The following ST3GAL3 variants were observed in gnomAD, a reference collection of about 807,000 sequenced individuals.
The protein encoded by ST3GAL3 is CMP-N-acetylneuraminate-beta-1,4-galactoside alpha-2,3-sialyltransferase.
In ST3GAL3, 21 loss-of-function variants were observed where a neutral mutation model predicts 50.1. The ratio of observed to expected loss-of-function variants is 0.42; its 90% CI spans 0.30 to 0.60. The LOEUF (loss-of-function observed/expected upper bound fraction) is 0.60. Ranked by LOEUF, ST3GAL3 falls within the 20% of genes least tolerant of loss-of-function variation. The pLI is 0.19. For synonymous variants in ST3GAL3, 183 were observed against 190.0 expected (o/e 0.96, Z 0.30); for missense variants, 353 against 489.4 (o/e 0.72, Z 2.63).
intron 5 of ST3GAL3, among the ~76,000 whole-genome samples, chr1:43,882,975 A>AT (rs112677903): frequency 0.27 from 5,918 of 21,650 alleles, 396 homozygotes; most frequent in African/African-American, 0.33. Context: ...TTATTTATTT[A>AT]TTTAGAGACA....
intron 2 of ST3GAL3, among the ~76,000 whole-genome samples, chr1:43,790,633 C>T (rs1447183857): frequency 1.6e-5 from 2 of 125,724 alleles, no homozygotes; most frequent in African/African-American, 3.1e-5. Context: ...ATGGCGTCTC[C>T]TTTTTTTTTT....
intron 5 of ST3GAL3, among the ~76,000 whole-genome samples, chr1:43,863,997 G>A (rs1436453684): frequency 6.6e-6 from 1 of 152,180 alleles, no homozygotes; most frequent in Non-Finnish European, 1.5e-5. Context: ...CTTGAGTGGG[G>A]GCCGGGCGTG....
chr1:43,758,261 AT>A (rs1688880534), intron 2 of ST3GAL3, among the ~76,000 whole-genome samples: 1 of 151,146 alleles, frequency 6.6e-6, no homozygotes, highest in African/African-American at 2.4e-5. Flanking sequence ...TTTAAAAACA[AT>A]TTTTTTAAGA....
chr1:43,709,678 CA>C (rs936383457), intron 1 of ST3GAL3: 16 of 146,182 alleles, frequency 1.1e-4, no homozygotes, highest in Admixed American at 1.4e-4. Flanking sequence ...CCGTCTCTAC[CA>C]AAAAAAAAAT....
rs1439489205 is a variant in ST3GAL3 at position 43,920,936 on chromosome 1, G to A, written c.1038+8G>A. On this transcript the variant is annotated splice_region_variant and intron_variant, in intron 11 of 11. Coordinates refer to ENST00000347631, the MANE Select transcript of ST3GAL3 (RefSeq NM_006279.5). ...ATGGCAGCCATCAAAGAGGTTCGGG[G>A]CTGGGTATGGGGGCAATCCCTGGGT... 1 of 1,605,584 alleles carries A rather than the reference G, an allele frequency of 6.2e-7. No homozygotes were observed. The highest frequency in any genetic ancestry group is 1.7e-5 in the Admixed American group (1 of 58,494).
intron 5 of ST3GAL3, among the ~76,000 whole-genome samples, chr1:43,892,151 C>G (rs2076774199): frequency 6.6e-6 from 1 of 152,222 alleles, no homozygotes; most frequent in Non-Finnish European, 1.5e-5. Flanking sequence ...CCATGTTAGC[C>G]AGGCTGGTCT....
At chr1:43,883,419 G>A (rs2075478864) in intron 5 of ST3GAL3, among the ~76,000 whole-genome samples, 1 of 152,352 alleles carries the variant, frequency 6.6e-6, no homozygotes, top group Admixed American at 6.5e-5. Context: ...GGGAAGAGAT[G>A]TGGATATCCA....
chr1:43,893,884 C>A (rs1301915634), intron 5 of ST3GAL3, among the ~76,000 whole-genome samples: 1 of 152,190 alleles, frequency 6.6e-6, no homozygotes, highest in African/African-American at 2.4e-5. Context: ...TTTTAACCTG[C>A]TTTGCCCTCT....
chr1:43,747,510 AC>A (rs915510810), intron 2 of ST3GAL3, among the ~76,000 whole-genome samples: 5 of 145,456 alleles, frequency 3.4e-5, no homozygotes, highest in African/African-American at 1.3e-4. Context: ...ACTCTCCCGC[AC>A]CTCCACGTGT....
intron 2 of ST3GAL3, among the ~76,000 whole-genome samples, chr1:43,760,969 C>G (rs1241345775): frequency 6.6e-6 from 1 of 152,186 alleles, no homozygotes; most frequent in Non-Finnish European, 1.5e-5. Flanking sequence ...AAGCAGGCCA[C>G]AAAGGCCACA....
chr1:43,783,775 G>C (rs1358368682), intron 2 of ST3GAL3, among the ~76,000 whole-genome samples: 1 of 152,136 alleles, frequency 6.6e-6, no homozygotes, highest in African/African-American at 2.4e-5. Context: ...GCAGCTGGTA[G>C]AATTCCAGCT....
chr1:43,732,391 A>G (rs1250136669), intron 1 of ST3GAL3, among the ~76,000 whole-genome samples: 1 of 152,186 alleles, frequency 6.6e-6, no homozygotes, highest in Non-Finnish European at 1.5e-5. Flanking sequence ...TGTGCTCGTT[A>G]TCCGTGATCA....
intron 2 of ST3GAL3, among the ~76,000 whole-genome samples, chr1:43,787,532 C>T (rs1231671157): frequency 6.6e-6 from 1 of 152,208 alleles, no homozygotes; most frequent in Non-Finnish European, 1.5e-5. Flanking sequence ...AAAACTTACA[C>T]AAAACATGAA....
At chr1:43,839,200 CT>C (rs1415131594) in intron 5 of ST3GAL3, 45 of 152,412 alleles carry the variant, frequency 3.0e-4, no homozygotes, top group Admixed American at 2.9e-3. Flanking sequence ...TGCTCCCTTT[CT>C]TTTCTAACGT....
intron 5 of ST3GAL3, among the ~76,000 whole-genome samples, chr1:43,864,727 A>T (rs1213496949): frequency 2.0e-5 from 3 of 152,152 alleles, no homozygotes; most frequent in African/African-American, 7.2e-5. Flanking sequence ...GGTGATAAGG[A>T]CAAGTTCATG....
At chr1:43,718,244 C>T (rs1298890460) in intron 1 of ST3GAL3, among the ~76,000 whole-genome samples, 6 of 126,252 alleles carry the variant, frequency 4.8e-5, no homozygotes, top group Admixed American at 9.8e-5. Context: ...GGCTGGAGTG[C>T]AGTGGCGCGA....
rs572987292 is a variant in ST3GAL3, at chr1:43,741,913, G to A, written c.118+5533G>A. 2.0e-5 allele frequency among the ~76,000 whole-genome samples: 3 copies of A among 152,308 alleles called. No homozygotes were observed. In the South Asian group the frequency reaches 6.2e-4, roughly 32 times the overall value. On this transcript the variant is annotated intron_variant, in intron 2 of 11. Transcript: ENST00000347631. Reference sequence around the variant, plus strand: ...AGGCTGTGATGATTTCCCCTGAGCTGAAGAGGCAGAGGTCAGAGTTTGGGC... The same window carrying A: ...AGGCTGTGATGATTTCCCCTGAGCTAAAGAGGCAGAGGTCAGAGTTTGGGC...
chr1:43,855,995 A>G (rs1306061207), intron 5 of ST3GAL3, among the ~76,000 whole-genome samples: 1 of 152,208 alleles, frequency 6.6e-6, no homozygotes, highest in Non-Finnish European at 1.5e-5. Context: ...GTATAAACAC[A>G]TTTCACTATA....
chr1:43,873,730 A>G (rs1163945437), intron 5 of ST3GAL3, among the ~76,000 whole-genome samples: 7 of 152,146 alleles, frequency 4.6e-5, no homozygotes, highest in African/African-American at 1.7e-4. Flanking sequence ...GGTTGCATGT[A>G]ACGTGAACCA....
Sources: gnomAD v4.1 joint callset for allele counts (sites outside exome capture counted in the v4.1 genomes callset) on GRCh38, gnomAD v4.1.1 for gene constraint, MANE v1.5 for transcripts, NCBI Gene and HGNC (gene_info 2026-07-23, HGNC 2026-07-21) for gene names.